Variants in POU6F2 observed in about 807,000 individuals in gnomAD.
POU6F2 encodes the protein POU class 6 homeobox 2.
Under a neutral mutation model 71.3 loss-of-function variants are expected in POU6F2, and 31 were observed. That is an observed-to-expected ratio of 0.43 (90% confidence interval 0.33 to 0.59). POU6F2 has a LOEUF of 0.59. Ranked by LOEUF, POU6F2 falls within the 20% of genes least tolerant of loss-of-function variation. POU6F2 has a pLI of 0.04. For synonymous variants in POU6F2, 347 were observed against 355.7 expected (o/e 0.98, Z 0.27); for missense variants, 783 against 856.8 (o/e 0.91, Z 1.07).
chr7:39,432,503 GTCTCCAGAGCCCAGAC>G (rs1222629684), intron 6 of POU6F2, among the ~76,000 whole-genome samples: 7 of 152,160 alleles, frequency 4.6e-5, no homozygotes, highest in Non-Finnish European at 7.3e-5. Flanking sequence ...CTGTCACTCT[GTCTCCAGAGCCCAGAC>G]TCTCCACCAC....
intron 2 of POU6F2, among the ~76,000 whole-genome samples, chr7:39,190,219 T>C (rs1252833192): frequency 6.6e-6 from 1 of 151,898 alleles, no homozygotes; most frequent in African/African-American, 2.4e-5. Context: ...AATCTATAAA[T>C]CAGAATGTGC....
chr7:39,245,394 G>T (rs1783803186), intron 4 of POU6F2, among the ~76,000 whole-genome samples: 1 of 152,104 alleles, frequency 6.6e-6, no homozygotes, highest in Admixed American at 6.6e-5. Flanking sequence ...AGGCATTGGG[G>T]TCTCTTCATT....
At chr7:39,157,916 A>G (rs1157622939) in intron 2 of POU6F2, among the ~76,000 whole-genome samples, 1 of 152,328 alleles carries the variant, frequency 6.6e-6, no homozygotes, top group African/African-American at 2.4e-5. Flanking sequence ...GATGGTTAGT[A>G]GCCGAAATAT....
Position 39,339,705 on chromosome 7 carries a change from A to C in POU6F2, c.662A>C (p.Gln221Pro), listed in dbSNP as rs772060615. Reference protein sequence around the residue: ...LQLQLQQQQQQQQQQPPPSTN... With the variant: ...LQLQLQQQQQPQQQQPPPSTN... The stretch of plus-strand genomic sequence containing the variant: ...CTCCAGCTCCAGCAGCAGCAGCAGC[A>C]GCAGCAGCAGCAGCCTCCCCCGTCA... Residue 221 changes from glutamine to proline, a missense_variant, in exon 5 of 10, where the codon CAG becomes CCG. Gln to Pro is a moderately conservative substitution (Grantham distance 76). Around this residue, in one of 2 missense-constraint regions of POU6F2, gnomAD observed 572 missense variants for 572.9 expected, o/e 1.00. Coordinates refer to ENST00000518318, the MANE Select transcript of POU6F2 (RefSeq NM_001370959.1). 29 of 1,604,374 alleles carry C rather than the reference A, an allele frequency of 1.8e-5. No individual in the cohort carries two copies. In the South Asian group the frequency reaches 3.0e-4, roughly 16 times the overall value.
intron 1 of POU6F2, among the ~76,000 whole-genome samples, chr7:39,018,141 G>A (rs7779853): frequency 0.41 from 61,964 of 151,942 alleles, 13,006 homozygotes; most frequent in South Asian, 0.5. Context: ...AAGCCAGATC[G>A]ATCAATGGTA....
chr7:39,156,518 A>G lies in POU6F2; in HGVS notation c.278-47717A>G, dbSNP rs74539064. Among the ~76,000 whole-genome samples the G allele has an allele frequency of 6.1e-3, 928 of 152,314 alleles. 10 individuals carry two copies. The highest frequency in any genetic ancestry group is 0.022 in the South Asian group (104 of 4,832). The stretch of plus-strand genomic sequence containing the variant: ...AAATGAATGCTGTTATAATTGCTCC[A>G]TTACTGAGAAAGCCAGAAATTTGAG... On this transcript the variant is annotated intron_variant, in intron 2 of 9. Coordinates refer to ENST00000518318, the MANE Select transcript of POU6F2 (RefSeq NM_001370959.1).
chr7:39,160,920 C>T (rs1049219273), intron 2 of POU6F2, among the ~76,000 whole-genome samples: 3 of 152,084 alleles, frequency 2.0e-5, no homozygotes, highest in African/African-American at 7.2e-5. Context: ...CAGTGTTTTG[C>T]ACATAATAGT....
In POU6F2 at chr7:39,256,632, C is replaced by T. The variant is rs1196836577; in HGVS notation, c.598+49012C>T. On this transcript the variant is annotated intron_variant, in intron 4 of 9. Coordinates refer to ENST00000518318, the MANE Select transcript of POU6F2 (RefSeq NM_001370959.1). Reference sequence around the variant, plus strand: ...AAGTAGAGAGATTATCCAGGATTATCGAGTGGACTCAATGTAATCACAAGG... The same window carrying T: ...AAGTAGAGAGATTATCCAGGATTATTGAGTGGACTCAATGTAATCACAAGG... Among the ~76,000 whole-genome samples, 4 of 152,150 alleles carry T rather than the reference C, an allele frequency of 2.6e-5. No individual in the cohort carries two copies. In the East Asian group the frequency reaches 7.7e-4, roughly 29 times the overall value.
chr7:39,286,647 G>A (rs1784655866), intron 4 of POU6F2, among the ~76,000 whole-genome samples: 2 of 152,192 alleles, frequency 1.3e-5, no homozygotes, highest in Non-Finnish European at 2.9e-5. Context: ...ATTCCCTGAT[G>A]TGAAACTTTC....
At chr7:39,227,551 CTTTTTT>C (rs34830334) in intron 4 of POU6F2, among the ~76,000 whole-genome samples, 1 of 108,998 alleles carries the variant, frequency 9.2e-6, no homozygotes. Flanking sequence ...ACATTGGTAC[CTTTTTT>C]TTTTTTTTTT....
chr7:39,038,718 CT>C (rs1329106305), intron 1 of POU6F2, among the ~76,000 whole-genome samples: 4 of 152,002 alleles, frequency 2.6e-5, no homozygotes, highest in African/African-American at 9.7e-5. Flanking sequence ...TCCATACCCA[CT>C]GTAGTTCTTG....
chr7:39,016,481 C>A (rs892085110), intron 1 of POU6F2, among the ~76,000 whole-genome samples: 1 of 151,636 alleles, frequency 6.6e-6, no homozygotes, highest in Non-Finnish European at 1.5e-5. Flanking sequence ...AGAGAAAAAA[C>A]AAGATGGTAA....
chr7:39,035,761 T>G (rs1790047947), intron 1 of POU6F2, among the ~76,000 whole-genome samples: 1 of 152,042 alleles, frequency 6.6e-6, no homozygotes, highest in Non-Finnish European at 1.5e-5. Context: ...CATTGCTCCC[T>G]AGCTTTTAAT....
chr7:39,341,498 A>G (rs1562796978), intron 5 of POU6F2, among the ~76,000 whole-genome samples: 2 of 152,240 alleles, frequency 1.3e-5, no homozygotes, highest in African/African-American at 2.4e-5. Context: ...TACAGAAGGC[A>G]TGATTACAGC....
At position 39,190,920 on chromosome 7, in the gene POU6F2, CCA is replaced by C. The variant is rs1031574512; in HGVS notation, c.278-13313_278-13312del. Among the ~76,000 whole-genome samples, 5 of 152,118 alleles carry C rather than the reference CCA, an allele frequency of 3.3e-5. No homozygotes were observed. In the East Asian group the frequency reaches 5.8e-4, roughly 18 times the overall value. ...AAAGTGCTGGGATTACAGGCATGAA[CCA>C]CCACGCCCAGCTGAGTCAACTTCTT... is the stretch of plus-strand genomic sequence containing the variant. On this transcript the variant is annotated intron_variant, in intron 2 of 9. Transcript: ENST00000518318.
chr7:39,397,814 G>GTATA lies in POU6F2; in HGVS notation c.973-8769_973-8766dup, dbSNP rs150006644. On this transcript the variant is annotated intron_variant, in intron 5 of 9. Transcript: ENST00000518318. ...ATAATATGTATTTTATATATTTTGT[G>GTATA]TATATATATATATATATATAGTAGA... Among the ~76,000 whole-genome samples, 218 of 128,410 alleles carry GTATA rather than the reference G, an allele frequency of 1.7e-3. 3 individuals carry two copies. Among genetic ancestry groups the GTATA allele is most frequent in the Middle Eastern group, 7.6e-3 (2 of 264 alleles). 84.2% of individuals were successfully genotyped at this position (128,410 alleles called of 152,430 possible). A position where few individuals can be genotyped will look rare whatever the true frequency, so the allele number is the denominator to read the frequency against.
At chr7:39,048,078 T>C (rs1790327065) in intron 1 of POU6F2, among the ~76,000 whole-genome samples, 1 of 151,998 alleles carries the variant, frequency 6.6e-6, no homozygotes, top group Non-Finnish European at 1.5e-5. Flanking sequence ...ATTGAAGGAT[T>C]GGTATTTAAA....
chr7:39,363,481 G>A (rs1467015100), intron 5 of POU6F2, among the ~76,000 whole-genome samples: 5 of 151,822 alleles, frequency 3.3e-5, no homozygotes, highest in Non-Finnish European at 2.9e-5. Flanking sequence ...AAAAAGGTCC[G>A]TGCTGGAGAT....
chr7:39,024,951 T>A (rs1224662435), intron 1 of POU6F2, among the ~76,000 whole-genome samples: 3 of 152,194 alleles, frequency 2.0e-5, no homozygotes, highest in African/African-American at 7.2e-5. Flanking sequence ...ATCAAGGATA[T>A]TAGTCTAAAA....
Sources: allele counts gnomAD v4.1 joint callset (sites outside exome capture counted in the v4.1 genomes callset), GRCh38; gene constraint gnomAD v4.1.1; regional missense constraint gnomAD v4.1.1; transcripts MANE v1.5; gene names NCBI Gene and HGNC (gene_info 2026-07-23, HGNC 2026-07-21).